Variants in PAPPA2 observed in about 807,000 individuals in gnomAD.
The protein encoded by PAPPA2 is pappalysin 2.
Under a neutral mutation model 176.4 loss-of-function variants are expected in PAPPA2, and 86 were observed. That is an observed-to-expected ratio of 0.49 (90% CI 0.41 to 0.58). The LOEUF (loss-of-function observed/expected upper bound fraction) is 0.58, where lower values mean the gene tolerates loss of function less well. PAPPA2 is among the 20% of genes least tolerant of loss of function. The pLI is 0.00. For missense variants in PAPPA2, 2,073 were observed against 2,256.9 expected, an observed-to-expected ratio of 0.92 and a Z score of 1.65; for synonymous variants, 809 against 852.2, an observed-to-expected ratio of 0.95 and a Z score of 0.88.
intron 21 of PAPPA2, among the ~76,000 whole-genome samples, chr1:176,817,706 T>C (rs994560286): frequency 1.3e-5 from 2 of 149,740 alleles, no homozygotes; most frequent in Non-Finnish European, 3.0e-5. Flanking sequence ...TGGGTAGATG[T>C]TGAATGCCAT....
intron 12 of PAPPA2, among the ~76,000 whole-genome samples, chr1:176,713,254 C>T (rs1298859771): frequency 6.6e-6 from 1 of 151,712 alleles, no homozygotes; most frequent in Non-Finnish European, 1.5e-5. Context: ...CTCCTGGGCT[C>T]AAGAGATCCT....
chr1:176,699,291 G>A lies in PAPPA2; in HGVS notation c.2938G>A (p.Val980Ile). The A allele has an allele frequency of 1.2e-6, 2 of 1,614,140 alleles. No homozygotes were observed. The highest frequency in any genetic ancestry group is 2.2e-5 in the East Asian group (1 of 44,882). The change falls in exon 8 of 23, where the codon GTC (valine) becomes ATC (isoleucine). Residue 980 changes from valine (V) to isoleucine (I), a missense_variant. Coordinates refer to ENST00000367662, the MANE Select transcript of PAPPA2 (RefSeq NM_020318.3). ...TTCCTTCTTCATGGAGTCCTCGCAG[G>A]TCCTCTTTGACACAGAGATCTTGCT... ...VTSFFMESSQ[V>I]LFDTEILLEN...
chr1:176,530,443 A>G (rs77959260), intron 1 of PAPPA2, among the ~76,000 whole-genome samples: 2,839 of 152,280 alleles, frequency 0.019, 91 homozygotes, highest in African/African-American at 0.065. Flanking sequence ...AATTAAAAAG[A>G]AAAAAACAAC....
chr1:176,546,475 CA>C (rs1304256202), intron 1 of PAPPA2, among the ~76,000 whole-genome samples: 1 of 152,058 alleles, frequency 6.6e-6, no homozygotes, highest in Non-Finnish European at 1.5e-5. Context: ...AAAAAATAGT[CA>C]AAAACTTTAC....
chr1:176,669,837 A>C (rs1658884680), intron 3 of PAPPA2, among the ~76,000 whole-genome samples: 1 of 152,170 alleles, frequency 6.6e-6, no homozygotes, highest in Admixed American at 6.6e-5. Flanking sequence ...AGGCAGAGCA[A>C]GCTAGAGGGG....
chr1:176,527,740 A>G (rs1649575593), intron 1 of PAPPA2, among the ~76,000 whole-genome samples: 1 of 152,168 alleles, frequency 6.6e-6, no homozygotes, highest in African/African-American at 2.4e-5. Context: ...AGCCAAAAAG[A>G]AGTTTCCATT....
intron 3 of PAPPA2, among the ~76,000 whole-genome samples, chr1:176,660,211 G>C (rs1180048922): frequency 6.6e-6 from 1 of 152,020 alleles, no homozygotes; most frequent in Admixed American, 6.6e-5. Flanking sequence ...CAGCCTAAGA[G>C]TCTATACATT....
chr1:176,724,160 G>A lies in PAPPA2; in HGVS notation c.3798+12179G>A, dbSNP rs561386268. Among the ~76,000 whole-genome samples the A allele has an allele frequency of 9.2e-5, 14 of 152,304 alleles. 1 individual carries two copies. The South Asian group carries it at 2.9e-3, about 32-fold the overall frequency. On this transcript the variant is annotated intron_variant, in intron 12 of 22. Transcript: ENST00000367662. ...AGCACTGGTGACAGACAGAAACATA[G>A]CACGAGCAAGCAAACAAATTAAAAC...
rs548973958 is a variant in PAPPA2 at position 176,818,553 on chromosome 1, C to T, written c.5202+18421C>T. 3.3e-5 allele frequency among the ~76,000 whole-genome samples: 5 copies of T among 152,106 alleles called. No homozygotes were observed. In the East Asian group the frequency reaches 9.7e-4, roughly 29 times the overall value. ...TTAGTTCATCAGGTAATTCTATTAGCTCTACCTTTAAAATATATCCACACA... is the reference window on the plus strand; with the variant it reads ...TTAGTTCATCAGGTAATTCTATTAGTTCTACCTTTAAAATATATCCACACA... On this transcript the variant is annotated intron_variant, in intron 21 of 22. Transcript: ENST00000367662.
intron 21 of PAPPA2, among the ~76,000 whole-genome samples, chr1:176,835,704 A>C (rs1455307694): frequency 2.6e-5 from 4 of 152,258 alleles, no homozygotes; most frequent in East Asian, 3.9e-4. Flanking sequence ...TTTTTAGTAG[A>C]GAGGGATTTC....
At chr1:176,612,490 G>A (rs1245002058) in intron 3 of PAPPA2, among the ~76,000 whole-genome samples, 1 of 152,192 alleles carries the variant, frequency 6.6e-6, no homozygotes, top group East Asian at 1.9e-4. Flanking sequence ...ATGTATTAGA[G>A]TTAGAGTTCT....
In PAPPA2 at chr1:176,556,725, A is replaced by G. The variant is rs747895316; in HGVS notation, c.403A>G (p.Ile135Val). 29 of 1,613,934 alleles carry G rather than the reference A, an allele frequency of 1.8e-5. No individual in the cohort carries two copies. In the African/African-American group the frequency reaches 1.9e-4, roughly 10 times the overall value. ...PAAPWVGDSPIGQSELLGDDD... is the reference protein window; with the variant it reads ...PAAPWVGDSPVGQSELLGDDD... The stretch of plus-strand genomic sequence containing the variant: ...TGCCCCATGGGTAGGGGATAGTCCT[A>G]TTGGGCAATCTGAGCTGCTGGGAGA... The change falls in exon 2 of 23, where the codon ATT (isoleucine) becomes GTT (valine). Residue 135 changes from isoleucine (I) to valine (V), a missense_variant. Physicochemically the swap from Ile to Val is conservative, Grantham distance 29 (BLOSUM62 3). This residue lies in a region of PAPPA2 where 1,196 missense variants were observed against 1,330.4 expected (regional missense o/e 0.90). Transcript: ENST00000367662.
chr1:176,511,162 A>G (rs1648578157), intron 1 of PAPPA2, among the ~76,000 whole-genome samples: 1 of 152,182 alleles, frequency 6.6e-6, no homozygotes, highest in African/African-American at 2.4e-5. Context: ...AGTCACAGAT[A>G]GGTTCAAAAT....
intron 2 of PAPPA2, among the ~76,000 whole-genome samples, chr1:176,586,203 G>A (rs1653297047): frequency 6.6e-6 from 1 of 151,814 alleles, no homozygotes; most frequent in Non-Finnish European, 1.5e-5. Flanking sequence ...TGTGTGTTTT[G>A]TTTTTTACTT....
At chr1:176,718,733 C>T (rs1226402996) in intron 12 of PAPPA2, among the ~76,000 whole-genome samples, 1 of 149,762 alleles carries the variant, frequency 6.7e-6, no homozygotes, top group East Asian at 2.0e-4. Flanking sequence ...TAGCTAGAGT[C>T]TTCTGTGGTC....
intron 2 of PAPPA2, among the ~76,000 whole-genome samples, chr1:176,592,578 G>A (rs1276541380): frequency 2.0e-5 from 3 of 152,036 alleles, no homozygotes; most frequent in Non-Finnish European, 4.4e-5. Flanking sequence ...AAGTTCTAGG[G>A]ACAGCAAATT....
chr1:176,495,695 A>G (rs1176140419), intron 1 of PAPPA2, among the ~76,000 whole-genome samples: 2 of 152,198 alleles, frequency 1.3e-5, no homozygotes, highest in Non-Finnish European at 2.9e-5. Context: ...TTTATTACCA[A>G]TTAGTTATTA....
At chr1:176,536,029 G>A (rs762990351) in intron 1 of PAPPA2, among the ~76,000 whole-genome samples, 21 of 152,150 alleles carry the variant, frequency 1.4e-4, no homozygotes, top group Non-Finnish European at 1.8e-4. Flanking sequence ...GATGGAAGAA[G>A]CTCTCTGCTC....
chr1:176,611,273 A>G (rs1276359640), intron 3 of PAPPA2, among the ~76,000 whole-genome samples: 8 of 152,238 alleles, frequency 5.3e-5, no homozygotes, highest in Admixed American at 5.2e-4. Flanking sequence ...GGCATCTGGC[A>G]TCTATAAGAA....
Sources: gnomAD v4.1 joint callset for allele counts (sites outside exome capture counted in the v4.1 genomes callset) on GRCh38, gnomAD v4.1.1 for gene constraint, gnomAD v4.1.1 regional missense constraint, MANE v1.5 for transcripts, NCBI Gene and HGNC (gene_info 2026-07-23, HGNC 2026-07-21) for gene names.